The following PTPRD variants were observed in gnomAD, a reference collection of about 807,000 sequenced individuals.
PTPRD encodes protein tyrosine phosphatase receptor type D.
Under a neutral mutation model 214.5 loss-of-function variants are expected in PTPRD, and 34 were observed. The observed-to-expected ratio is 0.16, with a 90% CI of 0.12 to 0.21. PTPRD has a LOEUF of 0.21. PTPRD is among the 10% of genes least tolerant of loss of function. The pLI is 1.00. For synonymous variants in PTPRD, 1,128 were observed against 845.7 expected (o/e 1.33, Z -5.79); for missense variants, 2,545 against 2,398.7 (o/e 1.06, Z -1.27).
At chr9:9,708,150 G>A (rs1205725037) in intron 7 of PTPRD, among the ~76,000 whole-genome samples, 4 of 152,050 alleles carry the variant, frequency 2.6e-5, no homozygotes, top group African/African-American at 9.7e-5. Context: ...GCCTACGTTA[G>A]TCAAATTGAC....
chr9:8,774,522 A>G (rs2095382352), intron 11 of PTPRD, among the ~76,000 whole-genome samples: 1 of 122,786 alleles, frequency 8.1e-6, no homozygotes, highest in Non-Finnish European at 1.7e-5. Flanking sequence ...GCATGTGAAA[A>G]GTAACTTTTT....
At chr9:9,040,944 C>T (rs2099637725) in intron 10 of PTPRD, among the ~76,000 whole-genome samples, 1 of 152,100 alleles carries the variant, frequency 6.6e-6, no homozygotes, top group African/African-American at 2.4e-5. Flanking sequence ...CCTTCTCACA[C>T]AATGACTTGT....
intron 9 of PTPRD, among the ~76,000 whole-genome samples, chr9:9,297,996 G>T (rs1179610484): frequency 6.6e-6 from 1 of 151,682 alleles, no homozygotes; most frequent in Non-Finnish European, 1.5e-5. Flanking sequence ...CACAATGTGT[G>T]ACACATAGTA....
intron 7 of PTPRD, among the ~76,000 whole-genome samples, chr9:9,710,410 C>A (rs944888878): frequency 4.0e-5 from 6 of 151,752 alleles, no homozygotes; most frequent in African/African-American, 1.5e-4. Flanking sequence ...ATCACCTTTC[C>A]CATTATAAGA....
intron 11 of PTPRD, among the ~76,000 whole-genome samples, chr9:8,969,442 T>A (rs923052637): frequency 2.6e-5 from 4 of 152,074 alleles, no homozygotes; most frequent in African/African-American, 9.7e-5. Context: ...AGTACATTGT[T>A]TGTGTTATTG....
intron 5 of PTPRD, among the ~76,000 whole-genome samples, chr9:9,796,397 A>T (rs2099002674): frequency 6.6e-6 from 1 of 152,182 alleles, no homozygotes; most frequent in African/African-American, 2.4e-5. Context: ...GGAATCAATG[A>T]AATTACGGGA....
At chr9:9,193,132 G>A (rs372244111) in intron 9 of PTPRD, among the ~76,000 whole-genome samples, 7 of 152,094 alleles carry the variant, frequency 4.6e-5, no homozygotes, top group East Asian at 3.9e-4. Context: ...AAATAAAAAT[G>A]AGTGACCAGC....
At chr9:9,972,782 T>C (rs1251690574) in intron 4 of PTPRD, among the ~76,000 whole-genome samples, 1 of 152,148 alleles carries the variant, frequency 6.6e-6, no homozygotes, top group African/African-American at 2.4e-5. Flanking sequence ...ACGGGCATCA[T>C]TACTAGCTTT....
intron 7 of PTPRD, among the ~76,000 whole-genome samples, chr9:9,643,776 T>C (rs1340154481): frequency 1.3e-5 from 2 of 152,362 alleles, no homozygotes; most frequent in Non-Finnish European, 2.9e-5. Flanking sequence ...TAGTTCCTTC[T>C]GCAAAATATA....
chr9:8,909,070 C>T (rs1246383873), intron 11 of PTPRD, among the ~76,000 whole-genome samples: 1 of 151,528 alleles, frequency 6.6e-6, no homozygotes, highest in Non-Finnish European at 1.5e-5. Flanking sequence ...TACCCAGTAG[C>T]AAAACTGACT....
chr9:9,035,569 C>T (rs1337287416), intron 10 of PTPRD, among the ~76,000 whole-genome samples: 2 of 151,580 alleles, frequency 1.3e-5, no homozygotes, highest in Non-Finnish European at 1.5e-5. Context: ...ACCCCACCCG[C>T]TTCCTCTCTC....
At chr9:9,007,575 A>C (rs1448421534) in intron 11 of PTPRD, among the ~76,000 whole-genome samples, 1 of 151,886 alleles carries the variant, frequency 6.6e-6, no homozygotes, top group Non-Finnish European at 1.5e-5. Context: ...AAAACAGCTA[A>C]AACTTTCCAT....
chr9:8,789,926 T>C (rs569562782), intron 11 of PTPRD, among the ~76,000 whole-genome samples: 2 of 152,308 alleles, frequency 1.3e-5, no homozygotes, highest in African/African-American at 2.4e-5. Context: ...AAAAGAACCA[T>C]ATGGAAATGA....
chr9:10,402,915 T>C (rs2098294738), intron 2 of PTPRD, among the ~76,000 whole-genome samples: 1 of 151,516 alleles, frequency 6.6e-6, no homozygotes, highest in Admixed American at 6.6e-5. Flanking sequence ...ACCTAGCCAT[T>C]AGATCTGTTT....
At chr9:9,139,514 C>T (rs1194441459) in intron 10 of PTPRD, among the ~76,000 whole-genome samples, 4 of 152,006 alleles carry the variant, frequency 2.6e-5, no homozygotes, top group South Asian at 2.1e-4. Flanking sequence ...GTAAAAGAAG[C>T]ATTACTTGAA....
chr9:8,792,344 G>A (rs187376788), intron 11 of PTPRD, among the ~76,000 whole-genome samples: 22 of 152,266 alleles, frequency 1.4e-4, no homozygotes, highest in East Asian at 3.9e-4. Context: ...CAGAACATAC[G>A]CATTAAAAAT....
chr9:9,041,664 T>G (rs1380762426), intron 10 of PTPRD, among the ~76,000 whole-genome samples: 1 of 152,136 alleles, frequency 6.6e-6, no homozygotes, highest in Admixed American at 6.6e-5. Context: ...GTAAATACAT[T>G]CACAATTAGG....
intron 3 of PTPRD, among the ~76,000 whole-genome samples, chr9:10,065,192 A>AAAGAAAG (rs1567445453): frequency 1.4e-5 from 2 of 143,896 alleles, no homozygotes; most frequent in Admixed American, 6.8e-5. Flanking sequence ...AGAAAGAAAG[A>AAAGAAAG]AAAGGATGCT....
At chr9:9,601,689 G>A (rs963909964) in intron 7 of PTPRD, among the ~76,000 whole-genome samples, 6 of 151,916 alleles carry the variant, frequency 3.9e-5, no homozygotes, top group Non-Finnish European at 8.8e-5. Context: ...AAATAATAAG[G>A]GACTACTGTG....
Sources: gnomAD v4.1 joint callset for allele counts (sites outside exome capture counted in the v4.1 genomes callset) on GRCh38, gnomAD v4.1.1 for gene constraint, MANE v1.5 for transcripts, NCBI Gene and HGNC (gene_info 2026-07-23, HGNC 2026-07-21) for gene names.